Variants in SLC35F1 observed in about 807,000 individuals in gnomAD.
SLC35F1 encodes solute carrier family 35 member F1.
In SLC35F1, 14 loss-of-function variants were observed where a neutral mutation model predicts 48.7. The observed-to-expected ratio is 0.29, with a 90% CI of 0.19 to 0.45. SLC35F1 has a LOEUF of 0.45. SLC35F1 is among the 20% of genes least tolerant of loss of function. SLC35F1 has a pLI of 1.00. For synonymous variants in SLC35F1, 190 were observed against 202.2 expected, an observed-to-expected ratio of 0.94 and a Z score of 0.51; for missense variants, 404 against 500.0, an observed-to-expected ratio of 0.81 and a Z score of 1.83.
chr6:118,194,395 A>G (rs1774772725), intron 2 of SLC35F1, among the ~76,000 whole-genome samples: 1 of 152,174 alleles, frequency 6.6e-6, no homozygotes, highest in Admixed American at 6.5e-5. Context: ...GCAGACATCA[A>G]AAGAAAGTAC....
intron 1 of SLC35F1, among the ~76,000 whole-genome samples, chr6:118,047,910 A>T (rs1030073968): frequency 6.6e-6 from 1 of 152,162 alleles, no homozygotes; most frequent in African/African-American, 2.4e-5. Context: ...CAGAACTTCC[A>T]ACACTATGTT....
chr6:118,083,575 C>T (rs550497146), intron 1 of SLC35F1, among the ~76,000 whole-genome samples: 3 of 152,186 alleles, frequency 2.0e-5, no homozygotes, highest in East Asian at 1.9e-4. Flanking sequence ...TAAAGGAATC[C>T]TTTTTTACTA....
chr6:118,244,142 A>C lies in SLC35F1; in HGVS notation c.477+8506A>C, dbSNP rs1582749128. On this transcript the variant is annotated intron_variant, in intron 3 of 7. Transcript: ENST00000360388. The stretch of plus-strand genomic sequence containing the variant: ...ATCATCAGAGGAACACAGTAGAGCT[A>C]TTGTCAATCTCTCTTTAGTTCCATT... 4.6e-5 allele frequency among the ~76,000 whole-genome samples: 7 copies of C among 152,340 alleles called. No individual in the cohort carries two copies. In the South Asian group the frequency reaches 1.4e-3, roughly 32 times the overall value.
chr6:118,219,938 T>C (rs550843467), intron 2 of SLC35F1, among the ~76,000 whole-genome samples: 2 of 152,032 alleles, frequency 1.3e-5, no homozygotes, highest in Non-Finnish European at 2.9e-5. Flanking sequence ...AAACACCTCA[T>C]GTTCTCACTC....
At chr6:118,110,069 A>T (rs1773377757) in intron 1 of SLC35F1, among the ~76,000 whole-genome samples, 1 of 152,154 alleles carries the variant, frequency 6.6e-6, no homozygotes, top group Non-Finnish European at 1.5e-5. Context: ...CAGTGCTCTT[A>T]AAATGCTAGG....
At chr6:118,198,021 G>A (rs1359902921) in intron 2 of SLC35F1, among the ~76,000 whole-genome samples, 1 of 152,104 alleles carries the variant, frequency 6.6e-6, no homozygotes, top group Non-Finnish European at 1.5e-5. Context: ...CTATATCATT[G>A]ATACTCTGCT....
intron 7 of SLC35F1, among the ~76,000 whole-genome samples, chr6:118,306,381 GTC>G (rs1315904442): frequency 6.6e-6 from 1 of 152,222 alleles, no homozygotes; most frequent in Non-Finnish European, 1.5e-5. Flanking sequence ...TGGGGCAGAA[GTC>G]TCTGGGATCT....
intron 2 of SLC35F1, among the ~76,000 whole-genome samples, chr6:118,218,842 G>C (rs956648405): frequency 6.6e-5 from 10 of 152,118 alleles, no homozygotes; most frequent in African/African-American, 2.4e-4. Context: ...CAAGCCACCT[G>C]CTATGCCTCA....
At chr6:118,232,503 G>A (rs369849256) in intron 2 of SLC35F1, among the ~76,000 whole-genome samples, 58 of 144,386 alleles carry the variant, frequency 4.0e-4, no homozygotes, top group African/African-American at 8.1e-4. Flanking sequence ...AGCCAAGATC[G>A]CGCCATTGCA....
At chr6:118,138,187 T>C (rs1192680143) in intron 1 of SLC35F1, among the ~76,000 whole-genome samples, 1 of 151,382 alleles carries the variant, frequency 6.6e-6, no homozygotes. Flanking sequence ...TGCATGCCTG[T>C]AGTCCCACCT....
At chr6:117,998,905 A>G in intron 1 of SLC35F1, 1 of 725,498 alleles carries the variant, frequency 1.4e-6, no homozygotes, top group Non-Finnish European at 2.5e-6. Flanking sequence ...AGCTAGCAGA[A>G]GGCAAGAAAT....
chr6:118,000,938 T>G (rs574960923), intron 1 of SLC35F1, among the ~76,000 whole-genome samples: 80 of 151,964 alleles, frequency 5.3e-4, no homozygotes, highest in African/African-American at 1.9e-3. Context: ...CACTGCTCAA[T>G]GAAATAAAAG....
chr6:117,926,658 A>G (rs1562240236), intron 1 of SLC35F1, among the ~76,000 whole-genome samples: 1 of 152,158 alleles, frequency 6.6e-6, no homozygotes, highest in Non-Finnish European at 1.5e-5. Flanking sequence ...ACAGGTTCAG[A>G]TGGCTGCAGC....
intron 1 of SLC35F1, among the ~76,000 whole-genome samples, chr6:118,090,072 A>G (rs746243967): frequency 1.3e-5 from 2 of 152,222 alleles, no homozygotes; most frequent in Non-Finnish European, 2.9e-5. Context: ...GGTGTTTAGA[A>G]CTCAAAGATG....
chr6:118,229,322 A>G (rs879593515), intron 2 of SLC35F1, among the ~76,000 whole-genome samples: 5 of 152,204 alleles, frequency 3.3e-5, no homozygotes, highest in Non-Finnish European at 7.3e-5. Flanking sequence ...GGAGACATCA[A>G]ATCCCTGATA....
intron 1 of SLC35F1, among the ~76,000 whole-genome samples, chr6:118,014,799 A>G (rs1348459597): frequency 2.0e-5 from 3 of 152,222 alleles, no homozygotes; most frequent in Non-Finnish European, 2.9e-5. Context: ...ATAAAAACAG[A>G]CTAAGAACAA....
chr6:117,951,076 C>G (rs1055857447), intron 1 of SLC35F1, among the ~76,000 whole-genome samples: 1 of 152,148 alleles, frequency 6.6e-6, no homozygotes, highest in Non-Finnish European at 1.5e-5. Context: ...GGGAACATTT[C>G]TCTTCATAAG....
chr6:118,262,135 TCATGAC>T (rs1467277451), intron 3 of SLC35F1, among the ~76,000 whole-genome samples: 3 of 152,136 alleles, frequency 2.0e-5, no homozygotes, highest in Non-Finnish European at 4.4e-5. Context: ...TGGGACAGCT[TCATGAC>T]CGTGTTTGAG....
At chr6:118,008,693 C>T (rs75204601) in intron 1 of SLC35F1, among the ~76,000 whole-genome samples, 2,705 of 152,266 alleles carry the variant, frequency 0.018, 31 homozygotes, top group East Asian at 0.032. Flanking sequence ...GAATTTTAAC[C>T]TATATTTAAT....
Sources: gnomAD v4.1 joint callset for allele counts (sites outside exome capture counted in the v4.1 genomes callset) on GRCh38, gnomAD v4.1.1 for gene constraint, MANE v1.5 for transcripts, NCBI Gene and HGNC (gene_info 2026-07-23, HGNC 2026-07-21) for gene names.